GULP1: variants seen among roughly 807,000 people sequenced by gnomAD.
GULP1 encodes the protein GULP PTB domain containing engulfment adaptor 1.
GULP1 carries 19 observed loss-of-function variants against 40.9 expected under a neutral mutation model. That is an observed-to-expected ratio of 0.46 (90% CI 0.32 to 0.68). GULP1 has a LOEUF of 0.68. GULP1 is among the 30% of genes least tolerant of loss of function. The pLI is 0.03. For missense variants in GULP1, 312 were observed against 362.2 expected, an observed-to-expected ratio of 0.86 and a Z score of 1.12; for synonymous variants, 119 against 117.6, an observed-to-expected ratio of 1.01 and a Z score of -0.08.
chr2:188,543,784 A>G (rs911035772), intron 7 of GULP1, among the ~76,000 whole-genome samples: 5 of 152,128 alleles, frequency 3.3e-5, no homozygotes, highest in African/African-American at 1.2e-4. Context: ...ATCATGCTAT[A>G]TTACTCCCAT....
At chr2:188,321,275 A>T (rs957224567) in intron 1 of GULP1, among the ~76,000 whole-genome samples, 1 of 152,096 alleles carries the variant, frequency 6.6e-6, no homozygotes, top group Non-Finnish European at 1.5e-5. Flanking sequence ...TATATCTGTA[A>T]TTTCTGATTC....
At chr2:188,552,832 C>A (rs943495888) in intron 7 of GULP1, among the ~76,000 whole-genome samples, 16 of 150,274 alleles carry the variant, frequency 1.1e-4, no homozygotes, top group Admixed American at 9.3e-4. Flanking sequence ...AGAACTTTTA[C>A]CTCCTTGGTT....
At chr2:188,562,666 C>G in intron 7 of GULP1, among the ~76,000 whole-genome samples, 1 of 151,992 alleles carries the variant, frequency 6.6e-6, no homozygotes, top group East Asian at 1.9e-4. Flanking sequence ...AAAAAAACCC[C>G]CAAAACCCAA....
intron 2 of GULP1, among the ~76,000 whole-genome samples, chr2:188,392,174 G>C (rs1016450918): frequency 6.6e-6 from 1 of 151,848 alleles, no homozygotes; most frequent in African/African-American, 2.4e-5. Flanking sequence ...CACTAAGATT[G>C]GTATCAATTG....
intron 1 of GULP1, among the ~76,000 whole-genome samples, chr2:188,382,188 A>G (rs1489034168): frequency 6.6e-6 from 1 of 152,176 alleles, no homozygotes; most frequent in Admixed American, 6.5e-5. Context: ...TTCTTTGGCC[A>G]CAAGAGACCA....
intron 1 of GULP1, among the ~76,000 whole-genome samples, chr2:188,296,014 A>G (rs6434275): frequency 0.75 from 114,129 of 151,952 alleles, 43,316 homozygotes; most frequent in East Asian, 0.95. Flanking sequence ...ACCTCTAAAG[A>G]ATAAAAAAAG....
chr2:188,432,551 A>C (rs1335047939), intron 2 of GULP1, among the ~76,000 whole-genome samples: 21 of 152,036 alleles, frequency 1.4e-4, no homozygotes. Context: ...AAAATTACAC[A>C]AATATAATTC....
intron 1 of GULP1, among the ~76,000 whole-genome samples, chr2:188,304,320 A>T (rs1409572172): frequency 6.6e-6 from 1 of 152,184 alleles, no homozygotes; most frequent in Admixed American, 6.5e-5. Flanking sequence ...TCTTCATAAG[A>T]TTTCTCTAAT....
chr2:188,352,929 A>G (rs2044706968), intron 1 of GULP1, among the ~76,000 whole-genome samples: 1 of 152,084 alleles, frequency 6.6e-6, no homozygotes, highest in Non-Finnish European at 1.5e-5. Context: ...AAACATATTT[A>G]TATATTTATA....
chr2:188,417,417 G>A (rs916857482), intron 2 of GULP1, among the ~76,000 whole-genome samples: 18 of 152,110 alleles, frequency 1.2e-4, no homozygotes, highest in Admixed American at 9.2e-4. Flanking sequence ...GATGAGCTTC[G>A]TCAGCAAGAA....
chr2:188,316,528 C>T (rs2039102075), intron 1 of GULP1, among the ~76,000 whole-genome samples: 1 of 152,024 alleles, frequency 6.6e-6, no homozygotes, highest in South Asian at 2.1e-4. Context: ...CCTCTTGATG[C>T]CTTTGTGGCC....
At chr2:188,451,626 G>GT (rs1417390153) in intron 2 of GULP1, among the ~76,000 whole-genome samples, 1 of 151,778 alleles carries the variant, frequency 6.6e-6, no homozygotes, top group East Asian at 1.9e-4. Context: ...AGGCTTTTTG[G>GT]TTTTCTCAAT....
At chr2:188,534,198 G>A (rs967088040) in intron 6 of GULP1, among the ~76,000 whole-genome samples, 3 of 152,048 alleles carry the variant, frequency 2.0e-5, no homozygotes, top group South Asian at 2.1e-4. Flanking sequence ...CATTTTCATC[G>A]CAGCACTTTT....
intron 2 of GULP1, among the ~76,000 whole-genome samples, chr2:188,388,661 C>G (rs1175282035): frequency 6.6e-6 from 1 of 152,148 alleles, no homozygotes; most frequent in Non-Finnish European, 1.5e-5. Context: ...CTTTTCCTTA[C>G]ATTTTGATCA....
chr2:188,364,761 A>G (rs1481153035), intron 1 of GULP1, among the ~76,000 whole-genome samples: 1 of 149,500 alleles, frequency 6.7e-6, no homozygotes, highest in African/African-American at 2.4e-5. Context: ...ACATATACAT[A>G]TATACATATA....
intron 1 of GULP1, among the ~76,000 whole-genome samples, chr2:188,336,480 A>T (rs541808432): frequency 3.3e-5 from 5 of 152,316 alleles, no homozygotes; most frequent in African/African-American, 1.2e-4. Flanking sequence ...CAAGATCCCT[A>T]ATCTCACAGA....
chr2:188,531,039 T>C (rs1321611907), intron 6 of GULP1, among the ~76,000 whole-genome samples: 1 of 152,184 alleles, frequency 6.6e-6, no homozygotes, highest in East Asian at 1.9e-4. Flanking sequence ...GTCCAGCAAG[T>C]GTCTTTGATA....
chr2:188,523,193 G>T (rs1685284363), intron 5 of GULP1, among the ~76,000 whole-genome samples: 1 of 152,144 alleles, frequency 6.6e-6, no homozygotes, highest in South Asian at 2.1e-4. Flanking sequence ...GTCTTTAAAA[G>T]CTAAGATATA....
intron 1 of GULP1, among the ~76,000 whole-genome samples, chr2:188,305,957 T>A (rs1477380108): frequency 6.6e-6 from 1 of 152,044 alleles, no homozygotes; most frequent in Non-Finnish European, 1.5e-5. Context: ...TTTGTATTTT[T>A]AGTAGAGACG....
Sources: allele counts gnomAD v4.1 joint callset (sites outside exome capture counted in the v4.1 genomes callset), GRCh38; gene constraint gnomAD v4.1.1; transcripts MANE v1.5; gene names NCBI Gene and HGNC (gene_info 2026-07-23, HGNC 2026-07-21).